Variants in NALCN observed in about 807,000 individuals in gnomAD.
NALCN encodes sodium leak channel, non-selective.
A neutral mutation model predicts 225.3 loss-of-function variants in NALCN; 111 were observed. That is an observed-to-expected ratio of 0.49 (90% CI 0.42 to 0.58). NALCN has a LOEUF of 0.58. Ranked by LOEUF, NALCN falls within the 20% of genes least tolerant of loss-of-function variation. The probability of loss-of-function intolerance (pLI) is 0.00; values close to 1 mark genes in which losing one functional copy is unlikely to be tolerated. For missense variants in NALCN, 1,378 were observed against 2,202.4 expected (o/e 0.63, Z 7.49); for synonymous variants, 764 against 769.0 (o/e 0.99, Z 0.11).
At chr13:101,207,457 A>G (rs964439950) in intron 13 of NALCN, among the ~76,000 whole-genome samples, 3 of 152,190 alleles carry the variant, frequency 2.0e-5, no homozygotes, top group Non-Finnish European at 4.4e-5. Context: ...GTGGCCTTTG[A>G]CTATCCAAGA....
At chr13:101,257,038 C>T (rs191272979) in intron 11 of NALCN, among the ~76,000 whole-genome samples, 48 of 152,220 alleles carry the variant, frequency 3.2e-4, no homozygotes, top group Middle Eastern at 3.4e-3. Flanking sequence ...TCTGGGATTA[C>T]GGGCGTAAGC....
chr13:101,102,625 G>T (rs188633148), intron 26 of NALCN, among the ~76,000 whole-genome samples: 1 of 152,170 alleles, frequency 6.6e-6, no homozygotes, highest in East Asian at 1.9e-4. Flanking sequence ...AGTACGTTTT[G>T]CCCCCTCAAT....
chr13:101,107,383 T>C lies in NALCN; in HGVS notation c.2579+104A>G, dbSNP rs1261879197. 8 of 1,562,082 alleles carry C rather than the reference T, an allele frequency of 5.1e-6. No homozygotes were observed. In the African/African-American group the frequency reaches 8.1e-5, roughly 16 times the overall value. On this transcript the variant is annotated intron_variant, in intron 22 of 43. Transcript: ENST00000251127. ...ATGATTAATTAGTCCGCAGTTTATT[T>C]TGTGACCCCATTAGGATTACACGTT...
chr13:101,206,945 T>G (rs1248811500), intron 13 of NALCN, among the ~76,000 whole-genome samples: 2 of 152,082 alleles, frequency 1.3e-5, no homozygotes, highest in Non-Finnish European at 2.9e-5. Flanking sequence ...AAATATAGTT[T>G]TGATAATTGC....
intron 17 of NALCN, among the ~76,000 whole-genome samples, chr13:101,134,708 G>A (rs1411196825): frequency 6.6e-6 from 1 of 152,044 alleles, no homozygotes; most frequent in Non-Finnish European, 1.5e-5. Flanking sequence ...AAACTTAATG[G>A]ATCTGATTTT....
chr13:101,168,140 C>G (rs1346064684), intron 15 of NALCN, among the ~76,000 whole-genome samples: 1 of 152,134 alleles, frequency 6.6e-6, no homozygotes, highest in East Asian at 1.9e-4. Context: ...CCTCTTACCT[C>G]TTGTGCTGTG....
At position 101,106,137 on chromosome 13, in the gene NALCN, G is replaced by A. The variant is rs115465709; in HGVS notation, c.2580-1187C>T. On this transcript the variant is annotated intron_variant, in intron 22 of 43. Coordinates refer to ENST00000251127, the MANE Select transcript of NALCN (RefSeq NM_052867.4). Reference sequence around the variant, plus strand: ...CTGTCTCCTTGACTTGTGGAGAGCCGTCTTCTCCCTACGTGTCTTCGCAAG... The same window carrying A: ...CTGTCTCCTTGACTTGTGGAGAGCCATCTTCTCCCTACGTGTCTTCGCAAG... 3.6e-3 allele frequency among the ~76,000 whole-genome samples: 552 copies of A among 152,228 alleles called. 3 individuals carry two copies. Among genetic ancestry groups the A allele is most frequent in the African/African-American group, 0.013 (525 of 41,522 alleles).
At chr13:101,136,314 A>ATTTATTTATTTATTTATTTATT (rs61142230) in intron 17 of NALCN, among the ~76,000 whole-genome samples, 80 of 74,230 alleles carry the variant, frequency 1.1e-3, no homozygotes, top group South Asian at 5.0e-3. Flanking sequence ...TTATTTATTT[A>ATTTATTTATTTATTTATTTATT]TATATTATAC....
chr13:101,205,685 A>T (rs1378207680), intron 13 of NALCN, among the ~76,000 whole-genome samples: 2 of 152,104 alleles, frequency 1.3e-5, no homozygotes, highest in Non-Finnish European at 2.9e-5. Context: ...AGTACTTATG[A>T]CCTATTTCTT....
At position 101,106,388 on chromosome 13, in the gene NALCN, T is replaced by G. The variant is rs78050641; in HGVS notation, c.2579+1099A>C. On this transcript the variant is annotated intron_variant, in intron 22 of 43. Coordinates refer to ENST00000251127, the MANE Select transcript of NALCN (RefSeq NM_052867.4). ...ATAGTGATTATCATATGCTACTAAT[T>G]AATAACAAAGAAATCAATTTACTTA... Among the ~76,000 whole-genome samples, 1,009 of 152,296 alleles carry G rather than the reference T, an allele frequency of 6.6e-3. 7 individuals carry two copies. Among genetic ancestry groups the G allele is most frequent in the African/African-American group, 0.023 (946 of 41,558 alleles).
chr13:101,116,807 T>G, intron 18 of NALCN: 5 of 389,424 alleles, frequency 1.3e-5, no homozygotes, highest in South Asian at 9.7e-5. Context: ...GTTAATGTAA[T>G]GTAATCACAT....
chr13:101,126,242 G>A (rs2036222989), intron 17 of NALCN, among the ~76,000 whole-genome samples: 1 of 152,118 alleles, frequency 6.6e-6, no homozygotes, highest in South Asian at 2.1e-4. Context: ...CAGCATCACT[G>A]AACATACTGG....
intron 15 of NALCN, among the ~76,000 whole-genome samples, chr13:101,154,959 T>G (rs1169362982): frequency 6.6e-6 from 1 of 152,006 alleles, no homozygotes; most frequent in African/African-American, 2.4e-5. Flanking sequence ...CTTTTTAAGA[T>G]CAAAAAAGAA....
rs777524533 is a variant in NALCN at position 101,237,817 on chromosome 13, C to T, written c.1372G>A (p.Val458Ile). 3.1e-6 allele frequency: 5 copies of T among 1,605,992 alleles called. No individual in the cohort carries two copies. Among genetic ancestry groups the T allele is most frequent in the Admixed American group, 1.7e-5 (1 of 58,710 alleles). ...SSLHKFELLL[V>I]IGTTLHVYPD... ...TATACATGAAGAGTAGTTCCAATTA[C>T]GAGTAGTAGTTCGAATTTGTGGAGA... Residue 458 changes from valine (V) to isoleucine (I), a missense_variant, in exon 12 of 44, where the codon GTA (valine) becomes ATA (isoleucine). This residue lies in a region of NALCN where 144 missense variants were observed against 187.7 expected (regional missense o/e 0.77). Transcript: ENST00000251127.
At chr13:101,067,032 T>C (rs1444736437) in intron 39 of NALCN, among the ~76,000 whole-genome samples, 1 of 151,842 alleles carries the variant, frequency 6.6e-6, no homozygotes, top group Admixed American at 6.6e-5. Flanking sequence ...CTTTTTATTA[T>C]TTGTCTCCAC....
Position 101,401,011 on chromosome 13 carries a change from C to T in NALCN, c.-39-1846G>A, listed in dbSNP as rs75375523. Among the ~76,000 whole-genome samples the T allele has an allele frequency of 7.3e-3, 1,110 of 152,284 alleles. 12 individuals are homozygous for T. Among genetic ancestry groups the T allele is most frequent in the African/African-American group, 0.025 (1,060 of 41,574 alleles). On this transcript the variant is annotated intron_variant, in intron 1 of 43. Transcript: ENST00000251127. ...GTTTCCTGAGGCCTCCCCAGCCATGCAGAATGGAGTCAATTAAACCTCTTT... is the reference window on the plus strand; with the variant it reads ...GTTTCCTGAGGCCTCCCCAGCCATGTAGAATGGAGTCAATTAAACCTCTTT...
At chr13:101,113,401 G>A (rs929112655) in intron 18 of NALCN, among the ~76,000 whole-genome samples, 1 of 152,180 alleles carries the variant, frequency 6.6e-6, no homozygotes, top group Admixed American at 6.5e-5. Flanking sequence ...TAATGAAACA[G>A]CCTTGTACAG....
chr13:101,255,407 T>C (rs531150978), intron 11 of NALCN, among the ~76,000 whole-genome samples: 1 of 151,894 alleles, frequency 6.6e-6, no homozygotes, highest in East Asian at 2.0e-4. Context: ...GGAGGGCCTA[T>C]TCACTTATGC....
At chr13:101,085,820 A>G (rs2139528572) in intron 30 of NALCN, among the ~76,000 whole-genome samples, 1 of 152,270 alleles carries the variant, frequency 6.6e-6, no homozygotes, top group East Asian at 1.9e-4. Flanking sequence ...TCTGGAATTC[A>G]TTTTTGAGTA....
Sources: gnomAD v4.1 joint callset for allele counts (sites outside exome capture counted in the v4.1 genomes callset) on GRCh38, gnomAD v4.1.1 for gene constraint, gnomAD v4.1.1 regional missense constraint, MANE v1.5 for transcripts, NCBI Gene and HGNC (gene_info 2026-07-23, HGNC 2026-07-21) for gene names.